Variants in NIT2 observed in about 807,000 individuals in gnomAD.
NIT2 encodes the protein nitrilase family member 2, also known as omega-amidase NIT2.
In NIT2, 46 loss-of-function variants were observed where a neutral mutation model predicts 42.7. The observed-to-expected ratio is 1.08, with a 90% confidence interval of 0.85 to 1.38. NIT2 has a LOEUF of 1.38. Ranked by LOEUF, NIT2 falls within the 40% of genes most tolerant of loss-of-function variation. The pLI, the probability that NIT2 is intolerant of heterozygous loss-of-function variation, is 0.00. For synonymous variants in NIT2, 123 were observed against 121.9 expected (o/e 1.01, Z -0.06); for missense variants, 309 against 342.5 (o/e 0.90, Z 0.77).
In NIT2 at chr3:100,360,899, T is replaced by C. The variant is rs530609199; in HGVS notation, c.*5631T>C. ...TGATACAGTCAAAATAGTGTTTCCC[T>C]CTAATGCGAAAGTCAGGCCAGTTTG... On this transcript the variant is annotated 3_prime_UTR_variant, in exon 10 of 10. Coordinates refer to ENST00000394140, the MANE Select transcript of NIT2 (RefSeq NM_020202.5). 1 of 152,348 alleles carries C rather than the reference T, an allele frequency of 6.6e-6. No individual in the cohort carries two copies. The highest frequency in any genetic ancestry group is 2.1e-4 in the South Asian group (1 of 4,826). 9.4% of individuals were successfully genotyped at this position (152,348 alleles called of 1,614,324 possible).
chr3:100,352,439 C>A lies in NIT2; in HGVS notation c.620C>A (p.Ser207Tyr). ...AATCAGGTGTATGTGGCCACAGCCTCTCCTGCCCGGGATGACAAAGCCTCC... is the reference window on the plus strand; with the variant it reads ...AATCAGGTGTATGTGGCCACAGCCTATCCTGCCCGGGATGACAAAGCCTCC... ...VDNQVYVATA[S>Y]PARDDKASYV... Residue 207 changes from serine to tyrosine, a missense_variant, in exon 8 of 10, where the codon TCT (serine) becomes TAT (tyrosine). Coordinates refer to ENST00000394140, the MANE Select transcript of NIT2 (RefSeq NM_020202.5). The A allele has an allele frequency of 1.9e-6, 3 of 1,613,608 alleles. No homozygotes were observed. The highest frequency in any genetic ancestry group is 2.5e-6 in the Non-Finnish European group (3 of 1,179,618).
In NIT2 at chr3:100,355,333, T is replaced by C; in HGVS notation, c.*65T>C. 2 of 1,230,604 alleles carry C rather than the reference T, an allele frequency of 1.6e-6. No individual in the cohort carries two copies. Among genetic ancestry groups the C allele is most frequent in the Non-Finnish European group, 2.3e-6 (2 of 860,584 alleles). The allele number at this position is 1,230,604 out of a possible 1,614,324, so 76.2% of individuals were successfully genotyped here. ...ATTCTACAACATAATCAACTCCCTA[T>C]TAAATTCTTTAATGAAGATTTTTTT... is the stretch of plus-strand genomic sequence containing the variant. On this transcript the variant is annotated 3_prime_UTR_variant, in exon 10 of 10. Coordinates refer to ENST00000394140, the MANE Select transcript of NIT2 (RefSeq NM_020202.5).
At chr3:100,335,897 A>G (rs977790283) in intron 1 of NIT2, among the ~76,000 whole-genome samples, 1 of 152,288 alleles carries the variant, frequency 6.6e-6, no homozygotes, top group East Asian at 1.9e-4. Flanking sequence ...TTTAGTCCCA[A>G]ACTACTTGGG....
At position 100,361,348 on chromosome 3, in the gene NIT2, T is replaced by C. The variant is rs1366560145; in HGVS notation, c.*6080T>C. 6.6e-6 allele frequency: 1 copy of C among 152,192 alleles called. No individual in the cohort carries two copies. Among genetic ancestry groups the C allele is most frequent in the African/African-American group, 2.4e-5 (1 of 41,444 alleles). The allele number at this position is 152,192 out of a possible 1,614,324, so 9.4% of individuals were successfully genotyped here. A position where few individuals can be genotyped will look rare whatever the true frequency, so the allele number is the denominator to read the frequency against. ...TATTTGCTCTAGGTAAGCTGTTTCA[T>C]AGCCTTCCAGGACAACACTTGCACA... On this transcript the variant is annotated 3_prime_UTR_variant, in exon 10 of 10. Coordinates refer to ENST00000394140, the MANE Select transcript of NIT2 (RefSeq NM_020202.5).
chr3:100,347,588 C>T (rs1211801724), intron 6 of NIT2, among the ~76,000 whole-genome samples: 1 of 151,922 alleles, frequency 6.6e-6, no homozygotes, highest in African/African-American at 2.4e-5. Flanking sequence ...TGCCACCACA[C>T]CTGGCTAATT....
At chr3:100,346,325 C>A (rs1350857798) in intron 6 of NIT2, 70 bp downstream of exon 6, 4 of 1,386,786 alleles carry the variant, frequency 2.9e-6, no homozygotes, top group South Asian at 1.2e-5. Context: ...TATGTGGGAT[C>A]CTTAGTCAAG....
At position 100,359,745 on chromosome 3, in the gene NIT2, T is replaced by G. The variant is rs1001009368; in HGVS notation, c.*4477T>G. The G allele has an allele frequency of 6.6e-6, 1 of 152,214 alleles. No homozygotes were observed. Among genetic ancestry groups the G allele is most frequent in the African/African-American group, 2.4e-5 (1 of 41,450 alleles). The allele number at this position is 152,214 out of a possible 1,614,324, so 9.4% of individuals were successfully genotyped here. On this transcript the variant is annotated 3_prime_UTR_variant, in exon 10 of 10. Transcript: ENST00000394140. Reference sequence around the variant, plus strand: ...TTCAATATATGCCGATAATTCTCATTCACATAGCTCTCCTGTTGGCTTTTC... The same window carrying G: ...TTCAATATATGCCGATAATTCTCATGCACATAGCTCTCCTGTTGGCTTTTC...
intron 1 of NIT2, among the ~76,000 whole-genome samples, chr3:100,335,299 GTTTC>G (rs1706055825): frequency 1.3e-5 from 2 of 150,870 alleles, no homozygotes; most frequent in Admixed American, 6.6e-5. Flanking sequence ...CAAGTCCCCT[GTTTC>G]TTTATTTGTA....
At chr3:100,347,357 A>G (rs1280526530) in intron 6 of NIT2, among the ~76,000 whole-genome samples, 1 of 152,190 alleles carries the variant, frequency 6.6e-6, no homozygotes, top group Non-Finnish European at 1.5e-5. Flanking sequence ...CGGCCTCCCA[A>G]AGTGCTGGGA....
intron 4 of NIT2, among the ~76,000 whole-genome samples, chr3:100,341,727 T>A (rs925777731): frequency 6.6e-6 from 1 of 151,918 alleles, no homozygotes; most frequent in Admixed American, 6.6e-5. Flanking sequence ...GTGGGAAGAG[T>A]TGCCATCTTT....
chr3:100,348,233 G>A (rs940810867), intron 6 of NIT2, among the ~76,000 whole-genome samples: 13 of 152,182 alleles, frequency 8.5e-5, no homozygotes, highest in African/African-American at 2.9e-4. Flanking sequence ...TATTCATGAC[G>A]CTTCCTAGAA....
At chr3:100,350,449 G>C (rs776196490) in intron 7 of NIT2, among the ~76,000 whole-genome samples, 11 of 152,178 alleles carry the variant, frequency 7.2e-5, no homozygotes, top group African/African-American at 1.9e-4. Context: ...CTCTCATAAG[G>C]CCACTCCATT....
At chr3:100,354,494 A>G (rs1706305202) in intron 8 of NIT2, among the ~76,000 whole-genome samples, 1 of 152,252 alleles carries the variant, frequency 6.6e-6, no homozygotes, top group Admixed American at 6.5e-5. Flanking sequence ...ACCGTCTCCT[A>G]GTGATTTGCA....
intron 7 of NIT2, among the ~76,000 whole-genome samples, chr3:100,350,676 G>A (rs1706264247): frequency 6.6e-6 from 1 of 152,190 alleles, no homozygotes; most frequent in African/African-American, 2.4e-5. Flanking sequence ...AAGATCTCTA[G>A]ACATTGTCAA....
rs367852737 is a variant in NIT2 at position 100,356,065 on chromosome 3, C to G, written c.*797C>G. 1.3e-5 allele frequency: 2 copies of G among 152,124 alleles called. No homozygotes were observed. Among genetic ancestry groups the G allele is most frequent in the Non-Finnish European group, 2.9e-5 (2 of 68,046 alleles). The allele number at this position is 152,124 out of a possible 1,614,324, so 9.4% of individuals were successfully genotyped here. On this transcript the variant is annotated 3_prime_UTR_variant, in exon 10 of 10. Coordinates refer to ENST00000394140, the MANE Select transcript of NIT2 (RefSeq NM_020202.5). ...ACAGCTTGGTTTGAGAATCCTTTTGCGGTTAAAAATTAGGGACTGAGCCAG... is the reference window on the plus strand; with the variant it reads ...ACAGCTTGGTTTGAGAATCCTTTTGGGGTTAAAAATTAGGGACTGAGCCAG...
chr3:100,344,969 T>TG (rs1401764731), intron 4 of NIT2, among the ~76,000 whole-genome samples: 28 of 150,956 alleles, frequency 1.9e-4, no homozygotes, highest in Non-Finnish European at 3.2e-4. Flanking sequence ...CTTTTTTTTT[T>TG]TGAGAGAGAG....
At chr3:100,353,953 T>G (rs1214963075) in intron 8 of NIT2, among the ~76,000 whole-genome samples, 1 of 152,090 alleles carries the variant, frequency 6.6e-6, no homozygotes, top group East Asian at 1.9e-4. Context: ...TTTTTGCATT[T>G]TTAGTACTGA....
chr3:100,356,139 G>C lies in NIT2; in HGVS notation c.*871G>C, dbSNP rs902591771. The C allele has an allele frequency of 5.3e-5, 8 of 152,236 alleles. No homozygotes were observed. The highest frequency in any genetic ancestry group is 1.9e-4 in the African/African-American group (8 of 41,446). 9.4% of individuals were successfully genotyped at this position (152,236 alleles called of 1,614,324 possible). ...CCTAGCCACATTGGAGGCTGAGGTA[G>C]GAGGATCCCTTGAGTCCACAAGTTT... On this transcript the variant is annotated 3_prime_UTR_variant, in exon 10 of 10. Transcript: ENST00000394140.
chr3:100,347,569 C>T (rs1401894880), intron 6 of NIT2, among the ~76,000 whole-genome samples: 1 of 151,392 alleles, frequency 6.6e-6, no homozygotes, highest in Non-Finnish European at 1.5e-5. Flanking sequence ...AGCTGGGACT[C>T]TAGGCATGTG....
Sources: allele counts gnomAD v4.1 joint callset (sites outside exome capture counted in the v4.1 genomes callset), GRCh38; gene constraint gnomAD v4.1.1; transcripts MANE v1.5; gene names NCBI Gene and HGNC (gene_info 2026-07-23, HGNC 2026-07-21).